The following RORA variants were observed in gnomAD, a reference collection of about 807,000 sequenced individuals.
RORA encodes the protein RAR related orphan receptor A, also known as nuclear receptor ROR-alpha.
In RORA, 7 loss-of-function variants were observed where a neutral mutation model predicts 69.5. That is an observed-to-expected ratio of 0.10 (90% CI 0.06 to 0.19). RORA has a LOEUF of 0.19. Ranked by LOEUF, RORA falls within the 10% of genes least tolerant of loss-of-function variation. RORA has a pLI of 1.00. For synonymous variants in RORA, 261 were observed against 240.8 expected (o/e 1.08, Z -0.78); for missense variants, 457 against 663.0 (o/e 0.69, Z 3.41).
At chr15:60,723,593 C>T (rs1176011007) in intron 1 of RORA, among the ~76,000 whole-genome samples, 1 of 152,086 alleles carries the variant, frequency 6.6e-6, no homozygotes, top group Admixed American at 6.5e-5. Flanking sequence ...AATAATCCTC[C>T]CTGGAGGTTT....
chr15:60,673,818 C>T (rs534646480), intron 2 of RORA, among the ~76,000 whole-genome samples: 8 of 152,314 alleles, frequency 5.3e-5, no homozygotes, highest in South Asian at 4.1e-4. Context: ...AGCCTATCAG[C>T]GCAGAGTAGG....
intron 1 of RORA, among the ~76,000 whole-genome samples, chr15:61,056,677 A>T (rs978797212): frequency 5.9e-5 from 9 of 152,200 alleles, no homozygotes; most frequent in Admixed American, 2.0e-4. Context: ...GCATTTTTTT[A>T]AAATATGGGC....
chr15:60,853,980 A>G (rs1035993484), intron 1 of RORA, among the ~76,000 whole-genome samples: 3 of 152,354 alleles, frequency 2.0e-5, no homozygotes, highest in South Asian at 4.1e-4. Flanking sequence ...ATGATCAGGT[A>G]CAGTGGGGCG....
At chr15:60,863,232 A>C (rs1407980467) in intron 1 of RORA, among the ~76,000 whole-genome samples, 1 of 152,242 alleles carries the variant, frequency 6.6e-6, no homozygotes, top group East Asian at 1.9e-4. Context: ...CTGGGCTTGC[A>C]CATTAGTGTT....
intron 5 of RORA, among the ~76,000 whole-genome samples, chr15:60,508,049 C>A (rs1334252126): frequency 2.6e-5 from 4 of 152,186 alleles, no homozygotes; most frequent in Non-Finnish European, 5.9e-5. Flanking sequence ...AATTCATAGT[C>A]GATTTGGCAA....
chr15:60,709,671 C>T (rs978476496), intron 1 of RORA, among the ~76,000 whole-genome samples: 12 of 151,280 alleles, frequency 7.9e-5, no homozygotes, highest in Admixed American at 3.3e-4. Context: ...TCACTGTCTC[C>T]CATCACCCCC....
At chr15:60,980,185 T>C (rs1167667567) in intron 1 of RORA, among the ~76,000 whole-genome samples, 1 of 152,216 alleles carries the variant, frequency 6.6e-6, no homozygotes, top group East Asian at 1.9e-4. Flanking sequence ...ATTGCATTGA[T>C]TGACTTTCAT....
At chr15:60,748,855 G>T (rs1471515061) in intron 1 of RORA, among the ~76,000 whole-genome samples, 1 of 152,166 alleles carries the variant, frequency 6.6e-6, no homozygotes, top group Non-Finnish European at 1.5e-5. Context: ...TTGTATTCTA[G>T]AATATTTTTA....
intron 2 of RORA, among the ~76,000 whole-genome samples, chr15:60,555,673 T>C (rs1044897820): frequency 6.6e-6 from 1 of 151,908 alleles, no homozygotes; most frequent in African/African-American, 2.4e-5. Context: ...AAGAATGAAG[T>C]GGTCTTGTGT....
At chr15:60,943,889 A>T (rs1396484062) in intron 1 of RORA, among the ~76,000 whole-genome samples, 1 of 126,918 alleles carries the variant, frequency 7.9e-6, no homozygotes, top group Non-Finnish European at 1.6e-5. Context: ...GCACTCCAAC[A>T]TGGGTGACAG....
chr15:60,621,865 C>T (rs531779297), intron 2 of RORA, among the ~76,000 whole-genome samples: 12 of 151,618 alleles, frequency 7.9e-5, no homozygotes, highest in African/African-American at 1.2e-4. Flanking sequence ...CTGGCCAATA[C>T]GGTGAAAACT....
At chr15:60,951,241 C>A (rs948461031) in intron 1 of RORA, among the ~76,000 whole-genome samples, 1 of 149,512 alleles carries the variant, frequency 6.7e-6, no homozygotes, top group East Asian at 2.0e-4. Flanking sequence ...TTGAAACCAA[C>A]GAGAACAAAG....
At chr15:60,634,594 A>T (rs549721097) in intron 2 of RORA, among the ~76,000 whole-genome samples, 122 of 151,828 alleles carry the variant, frequency 8.0e-4, no homozygotes, top group Non-Finnish European at 1.5e-3. Context: ...TAGTAGAGAC[A>T]GGGTTTCACC....
intron 1 of RORA, among the ~76,000 whole-genome samples, chr15:60,712,896 T>C (rs1013830679): frequency 2.0e-5 from 3 of 152,106 alleles, no homozygotes; most frequent in Non-Finnish European, 4.4e-5. Flanking sequence ...AAATACTATC[T>C]CTTGGACAAG....
At chr15:60,634,141 ATAT>A (rs1187697785) in intron 2 of RORA, among the ~76,000 whole-genome samples, 1 of 152,192 alleles carries the variant, frequency 6.6e-6, no homozygotes, top group East Asian at 1.9e-4. Flanking sequence ...GGTCTTTTTA[ATAT>A]TATGTTTTTC....
intron 1 of RORA, among the ~76,000 whole-genome samples, chr15:60,878,323 G>C (rs1249548878): frequency 8.2e-6 from 1 of 122,204 alleles, no homozygotes; most frequent in African/African-American, 3.1e-5. Flanking sequence ...CAGCCTGGGC[G>C]AAAGAGCAAG....
At chr15:60,567,650 A>G (rs1264826509) in intron 2 of RORA, among the ~76,000 whole-genome samples, 1 of 152,066 alleles carries the variant, frequency 6.6e-6, no homozygotes, top group Non-Finnish European at 1.5e-5. Flanking sequence ...GCCTTAAGTG[A>G]TCCGCCTGCC....
At chr15:60,560,329 C>T (rs1339993120) in intron 2 of RORA, among the ~76,000 whole-genome samples, 2 of 151,768 alleles carry the variant, frequency 1.3e-5, no homozygotes, top group East Asian at 3.9e-4. Flanking sequence ...GCCAGCTTGC[C>T]CTAGTTACAC....
intron 1 of RORA, among the ~76,000 whole-genome samples, chr15:60,853,597 A>T (rs2073348438): frequency 6.6e-6 from 1 of 152,232 alleles, no homozygotes; most frequent in South Asian, 2.1e-4. Context: ...CAACCCTTTG[A>T]ATTTGGAAAC....
Sources: allele counts gnomAD v4.1 joint callset (sites outside exome capture counted in the v4.1 genomes callset), GRCh38; gene constraint gnomAD v4.1.1; transcripts MANE v1.5; gene names NCBI Gene and HGNC (gene_info 2026-07-23, HGNC 2026-07-21).